CSMD2: variants seen among roughly 807,000 people sequenced by gnomAD.
CSMD2 encodes the protein CUB and sushi domain-containing protein 2.
Under a neutral mutation model 398.5 loss-of-function variants are expected in CSMD2, and 130 were observed. The observed-to-expected ratio is 0.33, with a 90% confidence interval of 0.28 to 0.38. The LOEUF is 0.38. Among genes scored for constraint, CSMD2 ranks in the 10% least tolerant of loss-of-function variants. The probability of loss-of-function intolerance (pLI) is 1.00; values close to 1 mark genes in which losing one functional copy is unlikely to be tolerated. For synonymous variants in CSMD2, 1,828 were observed against 1,908.5 expected (o/e 0.96, Z 1.10); for missense variants, 3,829 against 4,764.9 (o/e 0.80, Z 5.78).
At chr1:33,630,455 C>A (rs929456612) in intron 32 of CSMD2, among the ~76,000 whole-genome samples, 1 of 152,176 alleles carries the variant, frequency 6.6e-6, no homozygotes, top group Non-Finnish European at 1.5e-5. Context: ...AGGTAGGACT[C>A]TTTTTCTTTG....
At chr1:33,665,065 T>C (rs1034771777) in intron 25 of CSMD2, among the ~76,000 whole-genome samples, 3 of 152,302 alleles carry the variant, frequency 2.0e-5, no homozygotes, top group East Asian at 3.9e-4. Flanking sequence ...TTTAGTAAGG[T>C]TGGGTATCTC....
chr1:33,592,989 A>G (rs1315420993), intron 44 of CSMD2, among the ~76,000 whole-genome samples: 1 of 152,080 alleles, frequency 6.6e-6, no homozygotes, highest in Non-Finnish European at 1.5e-5. Flanking sequence ...GTGTACACTC[A>G]TGATCTTAGC....
chr1:33,750,213 CT>C (rs924915375), intron 13 of CSMD2, among the ~76,000 whole-genome samples: 77 of 149,344 alleles, frequency 5.2e-4, no homozygotes, highest in Admixed American at 8.7e-4. Context: ...CAGGCCAGAT[CT>C]TTTTTTTTTC....
rs758097972 is a variant in CSMD2, at chr1:33,709,179, A to G, written c.3486T>C (p.His1162=). The change falls in exon 22 of 71, where the codon CAT becomes CAC. Residue 1162 remains histidine (H), a synonymous_variant. Coordinates refer to ENST00000373381, the MANE Select transcript of CSMD2 (RefSeq NM_001281956.2). ...GGGTCTGGATGGAGTAGATGCATTC[A>G]TGATTGTTATTGTAGTTCACAGGAA... ...PNFPVNYNNN[H]ECIYSIQTQP... The G allele has an allele frequency of 1.2e-6, 2 of 1,614,132 alleles. No individual in the cohort carries two copies. Among genetic ancestry groups the G allele is most frequent in the East Asian group, 2.2e-5 (1 of 44,882 alleles).
chr1:33,804,391 T>C (rs1376057670), intron 10 of CSMD2, among the ~76,000 whole-genome samples: 1 of 152,226 alleles, frequency 6.6e-6, no homozygotes, highest in Non-Finnish European at 1.5e-5. Context: ...CTTTGCACAT[T>C]TGTCCTCCCT....
chr1:34,071,955 C>A lies in CSMD2; in HGVS notation c.404+17022G>T, dbSNP rs575383706. Reference sequence around the variant, plus strand: ...TTTGGAGTTCCTCTAGATTTAAATCCTCATATTGTAAGTCAGGAAAACGCA... The same window carrying A: ...TTTGGAGTTCCTCTAGATTTAAATCATCATATTGTAAGTCAGGAAAACGCA... On this transcript the variant is annotated intron_variant, in intron 2 of 70. Coordinates refer to ENST00000373381, the MANE Select transcript of CSMD2 (RefSeq NM_001281956.2). 2.0e-5 allele frequency among the ~76,000 whole-genome samples: 3 copies of A among 152,266 alleles called. No homozygotes were observed. The East Asian group carries it at 5.8e-4, about 29-fold the overall frequency.
chr1:33,616,212 C>A (rs1641375029), intron 39 of CSMD2, among the ~76,000 whole-genome samples: 1 of 152,048 alleles, frequency 6.6e-6, no homozygotes, highest in African/African-American at 2.4e-5. Flanking sequence ...GCACGTAGCC[C>A]TCAGCATTTC....
chr1:33,990,364 T>C (rs190044517), intron 3 of CSMD2, among the ~76,000 whole-genome samples: 2 of 152,342 alleles, frequency 1.3e-5, no homozygotes, highest in African/African-American at 2.4e-5. Flanking sequence ...GATCTATTCA[T>C]GGGCTGTGAG....
intron 2 of CSMD2, among the ~76,000 whole-genome samples, chr1:34,069,952 T>A (rs1655533463): frequency 6.6e-6 from 1 of 152,248 alleles, no homozygotes; most frequent in African/African-American, 2.4e-5. Flanking sequence ...CTGCTTCTTA[T>A]CACCATCAGA....
chr1:33,960,301 G>T (rs1645312036), intron 3 of CSMD2, among the ~76,000 whole-genome samples: 1 of 152,132 alleles, frequency 6.6e-6, no homozygotes, highest in African/African-American at 2.4e-5. Flanking sequence ...TTTGTCAGAG[G>T]TTTGAGCAAT....
rs1646861802 is a variant in CSMD2 at position 34,000,324 on chromosome 1, G to A, written c.517+32270C>T. Among the ~76,000 whole-genome samples the A allele has an allele frequency of 2.6e-5, 4 of 152,106 alleles. No individual in the cohort carries two copies. The South Asian group carries it at 8.3e-4, about 32-fold the overall frequency. On this transcript the variant is annotated intron_variant, in intron 3 of 70. Coordinates refer to ENST00000373381, the MANE Select transcript of CSMD2 (RefSeq NM_001281956.2). ...AGGAATGTGAGGAGACTGAAGGAGAGACCATGTGCCTTTTCACCCGAATGA... is the reference window on the plus strand; with the variant it reads ...AGGAATGTGAGGAGACTGAAGGAGAAACCATGTGCCTTTTCACCCGAATGA...
intron 2 of CSMD2, among the ~76,000 whole-genome samples, chr1:34,084,176 A>G (rs1657590195): frequency 6.6e-6 from 1 of 152,156 alleles, no homozygotes; most frequent in Admixed American, 6.5e-5. Flanking sequence ...GGCTGGGGAC[A>G]CATCTGATTC....
intron 2 of CSMD2, among the ~76,000 whole-genome samples, chr1:34,055,168 G>A (rs900163935): frequency 4.6e-5 from 7 of 152,052 alleles, no homozygotes; most frequent in African/African-American, 1.4e-4. Flanking sequence ...CAATAAACAA[G>A]CAAATAGCCA....
chr1:34,083,752 A>G (rs1205831313), intron 2 of CSMD2, among the ~76,000 whole-genome samples: 1 of 152,038 alleles, frequency 6.6e-6, no homozygotes, highest in Non-Finnish European at 1.5e-5. Flanking sequence ...CCCTGTCTCT[A>G]CAGAAAGAGT....
At chr1:34,019,854 C>T (rs1648644728) in intron 3 of CSMD2, among the ~76,000 whole-genome samples, 2 of 152,202 alleles carry the variant, frequency 1.3e-5, no homozygotes, top group Non-Finnish European at 2.9e-5. Context: ...TCCACAACTG[C>T]CCTTCTTGCA....
intron 4 of CSMD2, among the ~76,000 whole-genome samples, chr1:33,921,082 C>A (rs1034115907): frequency 1.3e-5 from 2 of 152,136 alleles, no homozygotes; most frequent in African/African-American, 4.8e-5. Context: ...GACAGGAAGG[C>A]AAGAGCTGGA....
chr1:33,749,130 C>T (rs545550466), intron 13 of CSMD2, among the ~76,000 whole-genome samples: 16 of 120,510 alleles, frequency 1.3e-4, no homozygotes, highest in African/African-American at 4.6e-4. Context: ...GACGGAGTCT[C>T]GCTGTCACCC....
intron 3 of CSMD2, among the ~76,000 whole-genome samples, chr1:34,017,911 A>G (rs918839103): frequency 6.6e-6 from 1 of 152,184 alleles, no homozygotes; most frequent in African/African-American, 2.4e-5. Context: ...ACACCTCCAC[A>G]TAGCTTTCAC....
At chr1:33,899,635 A>G (rs1642620395) in intron 5 of CSMD2, among the ~76,000 whole-genome samples, 1 of 152,140 alleles carries the variant, frequency 6.6e-6, no homozygotes, top group Non-Finnish European at 1.5e-5. Context: ...ACTGGAAGGG[A>G]ATCTGTGGGG....
Sources: gnomAD v4.1 joint callset for allele counts (sites outside exome capture counted in the v4.1 genomes callset) on GRCh38, gnomAD v4.1.1 for gene constraint, MANE v1.5 for transcripts, NCBI Gene and HGNC (gene_info 2026-07-23, HGNC 2026-07-21) for gene names.